GRIK1: variants seen among roughly 807,000 people sequenced by gnomAD.
The protein encoded by GRIK1 is glutamate ionotropic receptor kainate type subunit 1.
A neutral mutation model predicts 105.7 loss-of-function variants in GRIK1; 69 were observed. The observed-to-expected ratio is 0.65, with a 90% CI of 0.54 to 0.80. The LOEUF is 0.80. GRIK1 is among the 30% of genes least tolerant of loss of function. GRIK1 has a pLI of 0.00. For synonymous variants in GRIK1, 438 were observed against 431.3 expected, an observed-to-expected ratio of 1.02 and a Z score of -0.19; for missense variants, 1,109 against 1,167.3, an observed-to-expected ratio of 0.95 and a Z score of 0.73.
intron 13 of GRIK1, among the ~76,000 whole-genome samples, chr21:29,578,504 G>C (rs1393537920): frequency 6.6e-6 from 1 of 152,180 alleles, no homozygotes; most frequent in East Asian, 1.9e-4. Context: ...TCAGATCAAG[G>C]TCGCCAGAGT....
chr21:29,717,162 A>C (rs1027634811), intron 1 of GRIK1, among the ~76,000 whole-genome samples: 1 of 152,234 alleles, frequency 6.6e-6, no homozygotes, highest in African/African-American at 2.4e-5. Context: ...AGGATGTATG[A>C]AAATGTCTGG....
intron 1 of GRIK1, among the ~76,000 whole-genome samples, chr21:29,720,146 G>A (rs1217647805): frequency 1.3e-5 from 2 of 152,102 alleles, no homozygotes; most frequent in African/African-American, 4.8e-5. Flanking sequence ...CCTTGCCATG[G>A]CTCCACAATC....
chr21:29,852,377 G>A (rs1031095482), intron 1 of GRIK1, among the ~76,000 whole-genome samples: 11 of 152,112 alleles, frequency 7.2e-5, no homozygotes, highest in African/African-American at 2.7e-4. Flanking sequence ...CCCCCTACCT[G>A]TAGAAATTCT....
intron 14 of GRIK1, among the ~76,000 whole-genome samples, 169 bp from the exon 15 acceptor site, chr21:29,562,018 C>A (rs187731074): frequency 6.6e-6 from 1 of 152,194 alleles, no homozygotes; most frequent in Non-Finnish European, 1.5e-5. Flanking sequence ...TGAGAAGAGC[C>A]CAGTTCACTC....
At chr21:29,821,256 A>T (rs2067298950) in intron 1 of GRIK1, among the ~76,000 whole-genome samples, 1 of 152,062 alleles carries the variant, frequency 6.6e-6, no homozygotes, top group South Asian at 2.1e-4. Flanking sequence ...AAATACATTT[A>T]CAATATTGGA....
At position 29,537,129 on chromosome 21, in the gene GRIK1, G is replaced by GATATAGAT. The variant is rs2089891309; in HGVS notation, c.*93_*100dup. The GATATAGAT allele has an allele frequency of 1.5e-6, 1 of 686,494 alleles. No homozygotes were observed. The highest frequency in any genetic ancestry group is 2.3e-6 in the Non-Finnish European group (1 of 428,922). 42.5% of individuals were successfully genotyped at this position (686,494 alleles called of 1,614,324 possible). A position where few individuals can be genotyped will look rare whatever the true frequency, so the allele number is the denominator to read the frequency against. On this transcript the variant is annotated 3_prime_UTR_variant, in exon 18 of 18. Transcript: ENST00000327783. Reference sequence around the variant, plus strand: ...ATCTGTATTCATAATCAGAGTTATGGATATAGATATATGGAAACACATCAC... The same window carrying GATATAGAT: ...ATCTGTATTCATAATCAGAGTTATGGATATAGATATATAGATATATGGAAACACATCAC...
intron 6 of GRIK1, among the ~76,000 whole-genome samples, chr21:29,643,716 T>C (rs1299219626): frequency 7.4e-6 from 1 of 135,690 alleles, no homozygotes; most frequent in Non-Finnish European, 1.6e-5. Flanking sequence ...TAAAATATGC[T>C]TCCCTGTGGT....
At chr21:29,787,438 A>G (rs1440905377) in intron 1 of GRIK1, among the ~76,000 whole-genome samples, 1 of 152,214 alleles carries the variant, frequency 6.6e-6, no homozygotes, top group Non-Finnish European at 1.5e-5. Context: ...TTCATAGACT[A>G]TCTGGAGGAG....
At chr21:29,627,509 T>C (rs2062158992) in intron 7 of GRIK1, among the ~76,000 whole-genome samples, 1 of 152,128 alleles carries the variant, frequency 6.6e-6, no homozygotes, top group Non-Finnish European at 1.5e-5. Flanking sequence ...CATCACCCCA[T>C]TGTCCCTTTT....
intron 9 of GRIK1, among the ~76,000 whole-genome samples, chr21:29,591,995 G>A (rs2061340262): frequency 6.6e-6 from 1 of 152,182 alleles, no homozygotes; most frequent in South Asian, 2.1e-4. Flanking sequence ...AGATTGCAGT[G>A]AGCCGTGATT....
At chr21:29,608,662 G>A (rs3026020) in intron 7 of GRIK1, among the ~76,000 whole-genome samples, 2 of 151,870 alleles carry the variant, frequency 1.3e-5, no homozygotes, top group Admixed American at 6.6e-5. Context: ...TCATCAACAC[G>A]TGGTTTCTGC....
chr21:29,618,455 T>C (rs1473997916), intron 7 of GRIK1, among the ~76,000 whole-genome samples: 1 of 152,132 alleles, frequency 6.6e-6, no homozygotes, highest in Non-Finnish European at 1.5e-5. Flanking sequence ...GCGTGGCGAT[T>C]CCTTAAAGAA....
chr21:29,617,314 AAGTC>A (rs1423486026), intron 7 of GRIK1, among the ~76,000 whole-genome samples: 1 of 152,202 alleles, frequency 6.6e-6, no homozygotes, highest in African/African-American at 2.4e-5. Context: ...CTGCTGCAGA[AAGTC>A]AGTCTCTTTG....
chr21:29,739,314 T>TA (rs1197634436), intron 1 of GRIK1, among the ~76,000 whole-genome samples: 1 of 151,900 alleles, frequency 6.6e-6, no homozygotes, highest in Admixed American at 6.6e-5. Context: ...GGAAACGGAA[T>TA]AAGGGAGGGG....
At position 29,689,668 on chromosome 21, in the gene GRIK1, C is replaced by A. The variant is rs2063548120; in HGVS notation, c.544+60G>T. 4 of 1,506,908 alleles carry A rather than the reference C, an allele frequency of 2.7e-6. No individual in the cohort carries two copies. In the Admixed American group the frequency reaches 5.0e-5, roughly 19 times the overall value. The allele number at this position is 1,506,908 out of a possible 1,614,324, so 93.3% of individuals were successfully genotyped here. Reference sequence around the variant, plus strand: ...TGATGAGTTTAATGACTATTTGATACTTTCGTTCTGTTTGTTCAGAGCAGA... The same window carrying A: ...TGATGAGTTTAATGACTATTTGATAATTTCGTTCTGTTTGTTCAGAGCAGA... On this transcript the variant is annotated intron_variant, in intron 3 of 17. Coordinates refer to ENST00000327783, the MANE Select transcript of GRIK1 (RefSeq NM_001330994.2).
intron 2 of GRIK1, 63 bp downstream of exon 2, chr21:29,693,830 AAAG>A (rs2146731889): frequency 8.1e-7 from 1 of 1,230,142 alleles, no homozygotes; most frequent in Non-Finnish European, 1.2e-6. Context: ...CAGGTAGCAA[AAAG>A]AAGGTGACTT....
intron 1 of GRIK1, among the ~76,000 whole-genome samples, chr21:29,754,754 C>T (rs1048559922): frequency 5.9e-5 from 9 of 152,100 alleles, no homozygotes; most frequent in African/African-American, 1.9e-4. Context: ...CTGGGTGGGC[C>T]TGATTCAACC....
At chr21:29,793,820 G>A (rs1407421574) in intron 1 of GRIK1, among the ~76,000 whole-genome samples, 7 of 152,154 alleles carry the variant, frequency 4.6e-5, no homozygotes, top group Admixed American at 1.3e-4. Flanking sequence ...CTTTAAAAAT[G>A]TATTTATAAT....
At chr21:29,827,592 CAA>C (rs1209195357) in intron 1 of GRIK1, among the ~76,000 whole-genome samples, 2 of 151,810 alleles carry the variant, frequency 1.3e-5, no homozygotes, top group Non-Finnish European at 2.9e-5. Context: ...GTAAATGACT[CAA>C]GAGTTACATT....
Sources: allele counts gnomAD v4.1 joint callset (sites outside exome capture counted in the v4.1 genomes callset), GRCh38; gene constraint gnomAD v4.1.1; transcripts MANE v1.5; gene names NCBI Gene and HGNC (gene_info 2026-07-23, HGNC 2026-07-21).